Variants in CAP1 observed in about 807,000 individuals in gnomAD.
The protein encoded by CAP1 is adenylyl cyclase-associated protein 1.
Under a neutral mutation model 58.2 loss-of-function variants are expected in CAP1, and 11 were observed. That is an observed-to-expected ratio of 0.19 (90% CI 0.12 to 0.31). The LOEUF (loss-of-function observed/expected upper bound fraction) is 0.31. CAP1 is among the 10% of genes least tolerant of loss of function. The pLI, the probability that CAP1 is intolerant of heterozygous loss-of-function variation, is 1.00. For missense variants in CAP1, 423 were observed against 587.5 expected (o/e 0.72, Z 2.89); for synonymous variants, 183 against 213.8 (o/e 0.86, Z 1.26).
chr1:40,060,202 T>G, intron 3 of CAP1, 32 bp downstream of exon 3: 2 of 1,538,104 alleles, frequency 1.3e-6, no homozygotes, highest in Non-Finnish European at 1.8e-6. Flanking sequence ...CCCCTTCTTT[T>G]AAGGACTAAC....
intron 1 of CAP1, among the ~76,000 whole-genome samples, chr1:40,053,551 A>G (rs1646477403): frequency 6.6e-6 from 1 of 151,936 alleles, no homozygotes; most frequent in Admixed American, 6.6e-5. Flanking sequence ...CCCAGGTTCC[A>G]GCAATTCTGC....
intron 12 of CAP1, among the ~76,000 whole-genome samples, 195 bp from the exon 13 acceptor site, chr1:40,071,255 C>T (rs1647935352): frequency 6.6e-6 from 1 of 152,224 alleles, no homozygotes; most frequent in South Asian, 2.1e-4. Context: ...CTGTTATTTA[C>T]ACCCCATAGA....
In CAP1 at chr1:40,060,064, T is replaced by A; in HGVS notation, c.113-3T>A. ...TGATTCTTTGTGGTGTGTTTGTCTT[T>A]AGCAGGAGCAGCTCCATATGTGCAG... On this transcript the variant is annotated splice_region_variant and splice_polypyrimidine_tract_variant and intron_variant, in intron 2 of 12. Coordinates refer to ENST00000372805, the MANE Select transcript of CAP1 (RefSeq NM_006367.4). 1 of 1,611,600 alleles carries A rather than the reference T, an allele frequency of 6.2e-7. No homozygotes were observed. Among genetic ancestry groups the A allele is most frequent in the South Asian group, 1.1e-5 (1 of 90,956 alleles).
At chr1:40,063,712 T>C (rs1030974627) in intron 4 of CAP1, among the ~76,000 whole-genome samples, 1 of 152,218 alleles carries the variant, frequency 6.6e-6, no homozygotes, top group African/African-American at 2.4e-5. Flanking sequence ...AGAGCTCGTC[T>C]TTGAAGAATT....
intron 4 of CAP1, among the ~76,000 whole-genome samples, chr1:40,063,139 G>A (rs1646929265): frequency 6.6e-6 from 1 of 151,978 alleles, no homozygotes. Flanking sequence ...CTTGACTACA[G>A]TGTGCACCAC....
rs377554241 is a variant in CAP1, at chr1:40,069,819, G to T, written c.938G>T (p.Arg313Leu). 44 of 1,602,734 alleles carry T rather than the reference G, an allele frequency of 2.7e-5. No individual in the cohort carries two copies. Among genetic ancestry groups the T allele is most frequent in the Non-Finnish European group, 3.6e-5 (42 of 1,175,630 alleles). The change falls in exon 9 of 13, where the codon CGA (arginine) becomes CTA (leucine). Residue 313 changes from arginine to leucine, a missense_variant. By Grantham distance (102) the Arg-to-Leu change is moderately radical. Transcript: ENST00000372805. ...PKPQTSPSPK[R>L]ATKKEPAVLE... ...CCCCAAACCAGCCCATCCCCCAAAC[G>T]AGCCACAAAGAAGGAGCCAGCTGTA...
In CAP1 at chr1:40,069,819, G is replaced by A. The variant is rs377554241; in HGVS notation, c.938G>A (p.Arg313Gln). 17 of 1,602,852 alleles carry A rather than the reference G, an allele frequency of 1.1e-5. No homozygotes were observed. The highest frequency in any genetic ancestry group is 2.2e-5 in the East Asian group (1 of 44,730). Residue 313 changes from arginine to glutamine, a missense_variant, in exon 9 of 13, where the codon CGA becomes CAA. Physicochemically the swap from Arg to Gln is conservative, Grantham distance 43. Transcript: ENST00000372805. ...PKPQTSPSPK[R>Q]ATKKEPAVLE... ...CCCCAAACCAGCCCATCCCCCAAAC[G>A]AGCCACAAAGAAGGAGCCAGCTGTA...
At position 40,070,523 on chromosome 1, in the gene CAP1, AT is replaced by A. The variant is rs1647707602; in HGVS notation, c.1200+15del. On this transcript the variant is annotated intron_variant, in intron 11 of 12. Coordinates refer to ENST00000372805, the MANE Select transcript of CAP1 (RefSeq NM_006367.4). ...GATGTCAAAGTTCAGGTAACTCGAT[AT>A]TTTGGCTCCTTCTTTTTGTCCCTGA... 6.2e-7 allele frequency: 1 copy of A among 1,604,838 alleles called. No homozygotes were observed. Among genetic ancestry groups the A allele is most frequent in the South Asian group, 1.1e-5 (1 of 90,890 alleles).
intron 7 of CAP1, 145 bp downstream of exon 7, chr1:40,066,465 A>G (rs370408570): frequency 1.6e-6 from 1 of 624,194 alleles, no homozygotes; most frequent in African/African-American, 1.8e-5. Flanking sequence ...AAAGGAGGAG[A>G]AAGAAAGGGT....
At chr1:40,062,802 G>GTGTGTGT (rs1646911654) in intron 4 of CAP1, among the ~76,000 whole-genome samples, 1 of 51,434 alleles carries the variant, frequency 1.9e-5, no homozygotes, top group Non-Finnish European at 4.4e-5. Context: ...TGTGTGTATA[G>GTGTGTGT]ATGCCATCTA....
intron 6 of CAP1, 139 bp from the exon 7 acceptor site, chr1:40,066,076 G>A: frequency 3.3e-6 from 2 of 605,310 alleles, no homozygotes; most frequent in Admixed American, 2.8e-5. Context: ...AGCTGGTGAT[G>A]ATAGAAAAGC....
intron 4 of CAP1, among the ~76,000 whole-genome samples, chr1:40,063,323 A>T (rs138258112): frequency 0.015 from 2,234 of 152,260 alleles, 57 homozygotes; most frequent in African/African-American, 0.049. Flanking sequence ...GACTACAGGC[A>T]TGCGCCACCA....
intron 11 of CAP1, 156 bp from the exon 12 acceptor site, chr1:40,070,680 C>T: frequency 1.1e-6 from 1 of 896,204 alleles, no homozygotes; most frequent in African/African-American, 1.7e-5. Flanking sequence ...AAGTTCTTTT[C>T]AGGACCCATC....
chr1:40,044,116 A>G (rs1434011511), intron 1 of CAP1, among the ~76,000 whole-genome samples: 2 of 152,062 alleles, frequency 1.3e-5, no homozygotes, highest in African/African-American at 2.4e-5. Context: ...CCTAGGGATG[A>G]TCTTTTATTC....
In CAP1 at chr1:40,069,770, C is replaced by T; in HGVS notation, c.889C>T (p.Pro297Ser). The T allele has an allele frequency of 2.5e-6, 4 of 1,613,374 alleles. No individual in the cohort carries two copies. Among genetic ancestry groups the T allele is most frequent in the Non-Finnish European group, 3.4e-6 (4 of 1,179,764 alleles). The change falls in exon 9 of 13, where the codon CCC becomes TCC. Residue 297 changes from proline (P) to serine (S), a missense_variant. Pro to Ser is a moderately conservative substitution (Grantham distance 74, BLOSUM62 -1). Coordinates refer to ENST00000372805, the MANE Select transcript of CAP1 (RefSeq NM_006367.4). ...KAQSGPVRSG[P>S]KPFSAPKPQT... is the part of the protein sequence containing the mutation. The stretch of plus-strand genomic sequence containing the variant: ...TCAGAGTGGTCCAGTACGCAGTGGC[C>T]CCAAACCATTCTCTGCACCTAAACC...
rs567843149 is a variant in CAP1 at position 40,047,433 on chromosome 1, C to A, written c.-11+6632C>A. ...ATGTTTAATGGAAGGAGCAGACTTGCTTTGTTTTGTTTTGTTTTTTCCTCC... is the reference window on the plus strand; with the variant it reads ...ATGTTTAATGGAAGGAGCAGACTTGATTTGTTTTGTTTTGTTTTTTCCTCC... On this transcript the variant is annotated intron_variant, in intron 1 of 12. Transcript: ENST00000372805. 2.9e-4 allele frequency among the ~76,000 whole-genome samples: 44 copies of A among 152,238 alleles called. 2 individuals are homozygous for A. In the South Asian group the frequency reaches 8.7e-3, roughly 30 times the overall value.
intron 1 of CAP1, among the ~76,000 whole-genome samples, chr1:40,052,957 G>A (rs1646445511): frequency 6.6e-6 from 1 of 152,040 alleles, no homozygotes; most frequent in African/African-American, 2.4e-5. Context: ...AGGCATGGTG[G>A]CTCACGCCTG....
intron 1 of CAP1, among the ~76,000 whole-genome samples, chr1:40,050,047 G>C (rs561269584): frequency 6.6e-6 from 1 of 152,286 alleles, no homozygotes; most frequent in African/African-American, 2.4e-5. Flanking sequence ...TGTCTGAATG[G>C]AATGGACTGC....
chr1:40,059,450 C>T lies in CAP1; in HGVS notation c.104C>T (p.Pro35Leu), dbSNP rs11556943. Reference sequence around the variant, plus strand: ...ATGCACCGTGGGTATGCAGACAGTCCTTCAAAAGGTAAGCAGTCCACAGCC... The same window carrying T: ...ATGCACCGTGGGTATGCAGACAGTCTTTCAAAAGGTAAGCAGTCCACAGCC... ...SDMHRGYADS[P>L]SKAGAAPYVQ... Residue 35 changes from proline to leucine, a missense_variant, in exon 2 of 13, where the codon CCT (proline) becomes CTT (leucine). By Grantham distance (98) the Pro-to-Leu change is moderately conservative (BLOSUM62 -3). Transcript: ENST00000372805. The T allele has an allele frequency of 1.8e-5, 28 of 1,599,236 alleles. No homozygotes were observed. Among genetic ancestry groups the T allele is most frequent in the Admixed American group, 1.3e-4 (8 of 59,930 alleles).
Sources: allele counts gnomAD v4.1 joint callset (sites outside exome capture counted in the v4.1 genomes callset), GRCh38; gene constraint gnomAD v4.1.1; transcripts MANE v1.5; gene names NCBI Gene and HGNC (gene_info 2026-07-23, HGNC 2026-07-21).